TMTC2: variants seen among roughly 807,000 people sequenced by gnomAD.
The protein encoded by TMTC2 is transmembrane O-mannosyltransferase targeting cadherins 2.
Under a neutral mutation model 82.4 loss-of-function variants are expected in TMTC2, and 43 were observed. That is an observed-to-expected ratio of 0.52 (90% CI 0.41 to 0.67). The LOEUF (loss-of-function observed/expected upper bound fraction) is 0.67. TMTC2 is among the 30% of genes least tolerant of loss of function. The pLI is 0.00. For missense variants in TMTC2, 919 were observed against 1,012.4 expected, an observed-to-expected ratio of 0.91 and a Z score of 1.25; for synonymous variants, 408 against 381.9, an observed-to-expected ratio of 1.07 and a Z score of -0.80.
intron 1 of TMTC2, among the ~76,000 whole-genome samples, chr12:82,727,844 CAAA>C (rs58681807): frequency 1.8e-4 from 26 of 148,246 alleles, no homozygotes; most frequent in East Asian, 6.2e-4. Flanking sequence ...TAAGAAAGGC[CAAA>C]AAAAAAAAAA....
At chr12:82,955,633 C>CT (rs535009433) in intron 4 of TMTC2, among the ~76,000 whole-genome samples, 138 of 152,092 alleles carry the variant, frequency 9.1e-4, no homozygotes, top group South Asian at 3.1e-3. Context: ...TGTTATTTTT[C>CT]TTTTTTTAGT....
At chr12:82,986,968 T>C (rs1879178293) in intron 8 of TMTC2, among the ~76,000 whole-genome samples, 1 of 152,130 alleles carries the variant, frequency 6.6e-6, no homozygotes, top group Admixed American at 6.5e-5. Flanking sequence ...TAATCTCTCT[T>C]CAATATTAAT....
At chr12:83,126,890 C>T (rs1225982921) in intron 11 of TMTC2, among the ~76,000 whole-genome samples, 2 of 151,796 alleles carry the variant, frequency 1.3e-5, no homozygotes, top group Admixed American at 1.3e-4. Flanking sequence ...CAAATAAATA[C>T]AAAGAGATCC....
intron 11 of TMTC2, among the ~76,000 whole-genome samples, chr12:83,080,071 A>G (rs1430793492): frequency 2.0e-5 from 3 of 152,128 alleles, no homozygotes; most frequent in Non-Finnish European, 4.4e-5. Flanking sequence ...CAACATTATC[A>G]TTTTATTTTC....
intron 11 of TMTC2, among the ~76,000 whole-genome samples, chr12:83,128,951 TC>T (rs1205091778): frequency 6.6e-6 from 1 of 152,202 alleles, no homozygotes; most frequent in Admixed American, 6.5e-5. Context: ...ATTTTTTATG[TC>T]AGAATAAACG....
At position 83,079,261 on chromosome 12, in the gene TMTC2, C is replaced by T. The variant is rs182672119; in HGVS notation, c.2331+17430C>T. Among the ~76,000 whole-genome samples the T allele has an allele frequency of 3.3e-3, 502 of 152,028 alleles. 5 individuals are homozygous for T. The highest frequency in any genetic ancestry group is 0.01 in the Admixed American group (160 of 15,274). ...TAGATCTTCCCCTATGGAACCTACACTCATACTGCAGTTTATTTCTTGATT... is the reference window on the plus strand; with the variant it reads ...TAGATCTTCCCCTATGGAACCTACATTCATACTGCAGTTTATTTCTTGATT... On this transcript the variant is annotated intron_variant, in intron 11 of 11. Transcript: ENST00000321196.
In TMTC2 at chr12:82,980,938, T is replaced by C. The variant is rs535614029; in HGVS notation, c.1949-4987T>C. On this transcript the variant is annotated intron_variant, in intron 7 of 11. Transcript: ENST00000321196. The stretch of plus-strand genomic sequence containing the variant: ...CACATTTTTCAAAAGGTTTTTGTTG[T>C]TTTTGTTTCATTTGCACCTACAAGC... 1.0e-3 allele frequency among the ~76,000 whole-genome samples: 153 copies of C among 152,002 alleles called. 1 individual carries two copies. Among genetic ancestry groups the C allele is most frequent in the Non-Finnish European group, 1.8e-3 (125 of 67,792 alleles).
intron 3 of TMTC2, among the ~76,000 whole-genome samples, chr12:82,920,233 T>C (rs1390133383): frequency 6.6e-6 from 1 of 152,198 alleles, no homozygotes; most frequent in Admixed American, 6.5e-5. Context: ...CAAATCTCCC[T>C]GTATTGATTT....
At chr12:82,764,787 A>AG (rs11324078) in intron 1 of TMTC2, among the ~76,000 whole-genome samples, 1 of 151,548 alleles carries the variant, frequency 6.6e-6, no homozygotes, top group African/African-American at 2.4e-5. Flanking sequence ...TTCATGTAAG[A>AG]GGGGGGTAGG....
chr12:82,839,637 A>T (rs966939994), intron 1 of TMTC2, among the ~76,000 whole-genome samples: 1 of 152,158 alleles, frequency 6.6e-6, no homozygotes, highest in Admixed American at 6.5e-5. Flanking sequence ...TCTTTTCCTA[A>T]TTTGTGCAAG....
chr12:82,902,337 T>G lies in TMTC2; in HGVS notation c.1483+5691T>G, dbSNP rs377005848. Reference sequence around the variant, plus strand: ...GCCTCCAGCAGCTTGTCAAAATGAGTAGTCAATTGTTTCTAACAGTTTCTG... The same window carrying G: ...GCCTCCAGCAGCTTGTCAAAATGAGGAGTCAATTGTTTCTAACAGTTTCTG... On this transcript the variant is annotated intron_variant, in intron 3 of 11. Transcript: ENST00000321196. Among the ~76,000 whole-genome samples, 13 of 152,172 alleles carry G rather than the reference T, an allele frequency of 8.5e-5. No individual in the cohort carries two copies. The East Asian group carries it at 1.5e-3, about 18-fold the overall frequency.
At chr12:82,834,063 A>G (rs1869895284) in intron 1 of TMTC2, among the ~76,000 whole-genome samples, 1 of 152,218 alleles carries the variant, frequency 6.6e-6, no homozygotes, top group South Asian at 2.1e-4. Flanking sequence ...AACCATTTTA[A>G]TATTTAAGAA....
chr12:82,764,443 A>C (rs1457383401), intron 1 of TMTC2, among the ~76,000 whole-genome samples: 1 of 151,578 alleles, frequency 6.6e-6, no homozygotes, highest in Non-Finnish European at 1.5e-5. Flanking sequence ...TGGCCTATAC[A>C]CTTTTTTTTA....
At chr12:82,750,890 T>G (rs1875961869) in intron 1 of TMTC2, among the ~76,000 whole-genome samples, 1 of 151,900 alleles carries the variant, frequency 6.6e-6, no homozygotes, top group Non-Finnish European at 1.5e-5. Flanking sequence ...CAAATTCCAG[T>G]TTTTTTTGAA....
chr12:82,836,915 T>C (rs960440346), intron 1 of TMTC2, among the ~76,000 whole-genome samples: 1 of 152,218 alleles, frequency 6.6e-6, no homozygotes, highest in Non-Finnish European at 1.5e-5. Flanking sequence ...TAGTAGGTTG[T>C]TCTTTCTCCC....
intron 10 of TMTC2, 118 bp from the exon 11 acceptor site, chr12:83,061,650 A>G: frequency 2.6e-6 from 2 of 767,202 alleles, no homozygotes; most frequent in Non-Finnish European, 3.9e-6. Flanking sequence ...TGCTTGGGCA[A>G]TTTATTGTTT....
At chr12:82,968,529 G>T (rs531690752) in intron 7 of TMTC2, among the ~76,000 whole-genome samples, 2 of 152,120 alleles carry the variant, frequency 1.3e-5, no homozygotes, top group African/African-American at 4.8e-5. Context: ...GTGCTTCCAA[G>T]GCCTTATTCC....
At chr12:83,115,782 CTGTTGTTGT>C (rs374555944) in intron 11 of TMTC2, among the ~76,000 whole-genome samples, 3 of 151,344 alleles carry the variant, frequency 2.0e-5, no homozygotes, top group South Asian at 2.1e-4. Flanking sequence ...ATTGTAGTTT[CTGTTGTTGT>C]TGTTGTTGTT....
intron 2 of TMTC2, among the ~76,000 whole-genome samples, chr12:82,872,861 A>T (rs760646999): frequency 6.6e-6 from 1 of 152,200 alleles, no homozygotes; most frequent in Non-Finnish European, 1.5e-5. Flanking sequence ...TGATTTTTTT[A>T]AAAATTACTA....
Sources: gnomAD v4.1 joint callset for allele counts (sites outside exome capture counted in the v4.1 genomes callset) on GRCh38, gnomAD v4.1.1 for gene constraint, MANE v1.5 for transcripts, NCBI Gene and HGNC (gene_info 2026-07-23, HGNC 2026-07-21) for gene names.